Variants in DPP6 observed in about 807,000 individuals in gnomAD.
DPP6 encodes the protein dipeptidyl peptidase like 6, also known as A-type potassium channel modulatory protein DPP6.
Under a neutral mutation model 122.6 loss-of-function variants are expected in DPP6, and 69 were observed. The observed-to-expected ratio is 0.56, with a 90% CI of 0.46 to 0.69. DPP6 has a LOEUF of 0.69. Among genes scored for constraint, DPP6 ranks in the 30% least tolerant of loss-of-function variants. The pLI is 0.00. For synonymous variants in DPP6, 418 were observed against 433.1 expected (o/e 0.97, Z 0.43); for missense variants, 928 against 1,116.9 (o/e 0.83, Z 2.41).
At chr7:154,075,293 C>A (rs1459710316) in intron 1 of DPP6, among the ~76,000 whole-genome samples, 2 of 152,014 alleles carry the variant, frequency 1.3e-5, no homozygotes, top group Admixed American at 6.6e-5. Context: ...ATCCAGCCAC[C>A]CCACTACTGT....
intron 1 of DPP6, among the ~76,000 whole-genome samples, chr7:154,372,489 G>C (rs2151122866): frequency 6.6e-6 from 1 of 152,268 alleles, no homozygotes; most frequent in Non-Finnish European, 1.5e-5. Flanking sequence ...TCCTAGCCCA[G>C]CTCCCAGACT....
rs1795463646 is a variant in DPP6 at position 154,760,419 on chromosome 7, G to C, written c.884-8998G>C. On this transcript the variant is annotated intron_variant, in intron 8 of 25. Transcript: ENST00000377770. The surrounding 1 kb of genome is among the most constrained non-coding windows in gnomAD (Gnocchi z 4.5). Reference sequence around the variant, plus strand: ...TGCACAGACCCCAGTTGACCAACTTGGTTCTGACAGACTTCAGCCAGTTCT... The same window carrying C: ...TGCACAGACCCCAGTTGACCAACTTCGTTCTGACAGACTTCAGCCAGTTCT... Among the ~76,000 whole-genome samples, 1 of 152,100 alleles carries C rather than the reference G, an allele frequency of 6.6e-6. No homozygotes were observed. The highest frequency in any genetic ancestry group is 2.1e-4 in the South Asian group (1 of 4,796).
At chr7:154,210,692 C>T (rs764102404) in intron 1 of DPP6, among the ~76,000 whole-genome samples, 17 of 152,202 alleles carry the variant, frequency 1.1e-4, no homozygotes, top group Non-Finnish European at 2.5e-4. Flanking sequence ...TAGGCAAAGA[C>T]ATGCTGGTAG....
intron 5 of DPP6, among the ~76,000 whole-genome samples, chr7:154,636,935 G>A (rs1195778292): frequency 1.3e-5 from 2 of 152,192 alleles, no homozygotes; most frequent in Admixed American, 1.3e-4. Context: ...TAGGGCACCA[G>A]CTCTCAGAGG....
chr7:154,742,409 GT>G, intron 8 of DPP6, among the ~76,000 whole-genome samples: 1 of 152,266 alleles, frequency 6.6e-6, no homozygotes, highest in Middle Eastern at 3.4e-3. Context: ...TGGCAGAATG[GT>G]ATCTTCTGAT....
intron 3 of DPP6, among the ~76,000 whole-genome samples, chr7:154,523,786 A>G (rs962357165): frequency 2.6e-5 from 4 of 152,166 alleles, no homozygotes; most frequent in Admixed American, 2.0e-4. Context: ...TTTATCTATA[A>G]TGTCTACTTG....
intron 1 of DPP6, among the ~76,000 whole-genome samples, chr7:154,409,543 A>G (rs1056948133): frequency 3.9e-5 from 6 of 152,272 alleles, no homozygotes; most frequent in African/African-American, 9.6e-5. Flanking sequence ...ATCCAATTCT[A>G]TGTTGTTTAT....
rs143067497 is a variant in DPP6, at chr7:154,481,433, A to G, written c.457+6396A>G. Among the ~76,000 whole-genome samples the G allele has an allele frequency of 2.6e-3, 388 of 149,894 alleles. 1 individual carries two copies. The highest frequency in any genetic ancestry group is 0.01 in the Middle Eastern group (3 of 290). On this transcript the variant is annotated intron_variant, in intron 3 of 25. Coordinates refer to ENST00000377770, the MANE Select transcript of DPP6 (RefSeq NM_130797.4). This position sits in a 1 kb window ranked among gnomAD's most constrained non-coding sequence, Gnocchi z 4.2. ...TTCCATGTCCACTGCAGTATCTTAC[A>G]TTCACCTCACATCCTCATGCCCAGC...
At chr7:153,980,917 C>A (rs982278501) in intron 1 of DPP6, among the ~76,000 whole-genome samples, 2 of 152,072 alleles carry the variant, frequency 1.3e-5, no homozygotes, top group African/African-American at 4.8e-5. Flanking sequence ...AGAGACTGTT[C>A]GCTTTAATTT....
At chr7:154,027,899 T>A (rs1176125597) in intron 1 of DPP6, among the ~76,000 whole-genome samples, 1 of 151,562 alleles carries the variant, frequency 6.6e-6, no homozygotes, top group East Asian at 1.9e-4. Context: ...TGAGCCCAAA[T>A]GTTTTTCCGT....
the DPP6 span, among the ~76,000 whole-genome samples, chr7:153,840,073 G>A: frequency 3.9e-5 from 6 of 152,158 alleles, no homozygotes; most frequent in Non-Finnish European, 7.3e-5. Context: ...TTTATTGGTT[G>A]TAGAAATTTG....
chr7:154,807,109 G>T lies in DPP6; in HGVS notation c.1663G>T (p.Glu555Ter). 6.2e-7 allele frequency: 1 copy of T among 1,611,812 alleles called. No individual in the cohort carries two copies. Among genetic ancestry groups the T allele is most frequent in the Non-Finnish European group, 8.5e-7 (1 of 1,179,242 alleles). Residue 555 changes from glutamate (E) to a stop codon, truncating the protein, a stop_gained, in exon 16 of 26, where the codon GAA (glutamate) becomes TAA (stop). Coordinates refer to ENST00000377770, the MANE Select transcript of DPP6 (RefSeq NM_130797.4). LOFTEE classifies it high-confidence loss of function. ...HSMDFFLLKCEGPGVPMVTVH... is the reference protein window; with the variant it reads ...HSMDFFLLKC ...CATGGACTTCTTCCTGCTCAAGTGC[G>T]AAGGTCAGCTCCTGCCACCCCGTCA... is the stretch of plus-strand genomic sequence containing the variant.
intron 1 of DPP6, among the ~76,000 whole-genome samples, chr7:153,960,764 A>T (rs1795315512): frequency 6.7e-6 from 1 of 149,196 alleles, no homozygotes; most frequent in Non-Finnish European, 1.5e-5. Flanking sequence ...AGGTGCCCTC[A>T]TACTGTGTGG....
intron 1 of DPP6, among the ~76,000 whole-genome samples, chr7:154,249,576 T>A (rs1802217154): frequency 6.6e-6 from 1 of 152,120 alleles, no homozygotes; most frequent in Non-Finnish European, 1.5e-5. Flanking sequence ...CATGCTTCAG[T>A]GTTTCAGGGA....
At chr7:154,099,068 TA>T in intron 1 of DPP6, among the ~76,000 whole-genome samples, 1 of 152,342 alleles carries the variant, frequency 6.6e-6, no homozygotes, top group Middle Eastern at 3.4e-3. Context: ...GATAGGCACA[TA>T]TTTTGCAGAG....
the DPP6 span, among the ~76,000 whole-genome samples, chr7:153,844,495 A>G: frequency 6.6e-6 from 1 of 152,252 alleles, no homozygotes; most frequent in Non-Finnish European, 1.5e-5. Flanking sequence ...GGTGACACCC[A>G]ATGAACCATT....
chr7:154,324,864 G>GTTTTTTTT (rs1172014611), intron 1 of DPP6, among the ~76,000 whole-genome samples: 1 of 59,604 alleles, frequency 1.7e-5, no homozygotes, highest in Non-Finnish European at 3.6e-5. Context: ...CTTTCCTTTT[G>GTTTTTTTT]TTATTTTTTT....
At chr7:154,621,620 G>GC (rs1258336991) in intron 5 of DPP6, among the ~76,000 whole-genome samples, 1 of 152,158 alleles carries the variant, frequency 6.6e-6, no homozygotes, top group Non-Finnish European at 1.5e-5. Context: ...GCCCACCTTG[G>GC]CCTCCCAAAG....
chr7:154,634,496 T>C (rs894929470), intron 5 of DPP6, among the ~76,000 whole-genome samples: 4 of 152,318 alleles, frequency 2.6e-5, no homozygotes, highest in African/African-American at 9.6e-5. Flanking sequence ...TTTCAGCCTT[T>C]CTTATAGGCG....
Sources: allele counts gnomAD v4.1 joint callset (sites outside exome capture counted in the v4.1 genomes callset), GRCh38; gene constraint gnomAD v4.1.1; non-coding constraint Gnocchi (gnomAD v3.1); transcripts MANE v1.5; gene names NCBI Gene and HGNC (gene_info 2026-07-23, HGNC 2026-07-21).